Variants in CCSER1 observed in about 807,000 individuals in gnomAD.
CCSER1 encodes serine-rich coiled-coil domain-containing protein 1.
A neutral mutation model predicts 82.0 loss-of-function variants in CCSER1; 41 were observed. That is an observed-to-expected ratio of 0.50 (90% CI 0.39 to 0.65). The LOEUF (loss-of-function observed/expected upper bound fraction) is 0.65. Among genes scored for constraint, CCSER1 ranks in the 30% least tolerant of loss-of-function variants. The probability of loss-of-function intolerance (pLI) is 0.00; values close to 1 mark genes in which losing one functional copy is unlikely to be tolerated. For synonymous variants in CCSER1, 414 were observed against 383.9 expected (o/e 1.08, Z -0.92); for missense variants, 1,119 against 1,064.2 (o/e 1.05, Z -0.72).
chr4:90,711,608 G>T (rs1027251578), intron 6 of CCSER1, among the ~76,000 whole-genome samples: 1 of 151,882 alleles, frequency 6.6e-6, no homozygotes, highest in Admixed American at 6.6e-5. Flanking sequence ...TTTCACTTTT[G>T]TTCTGTTTAT....
intron 9 of CCSER1, among the ~76,000 whole-genome samples, chr4:91,066,693 T>C (rs1017526007): frequency 1.3e-5 from 2 of 152,156 alleles, no homozygotes; most frequent in African/African-American, 4.8e-5. Context: ...GAAATCATAT[T>C]CTCTATCTCT....
intron 1 of CCSER1, among the ~76,000 whole-genome samples, chr4:90,299,179 T>A (rs1477896829): frequency 6.6e-6 from 1 of 152,110 alleles, no homozygotes; most frequent in Non-Finnish European, 1.5e-5. Flanking sequence ...AATGTGTTCT[T>A]CCCTTTTGTA....
chr4:90,836,322 A>G (rs1261810511), intron 8 of CCSER1, among the ~76,000 whole-genome samples: 1 of 151,920 alleles, frequency 6.6e-6, no homozygotes, highest in Non-Finnish European at 1.5e-5. Context: ...CACAAACTGC[A>G]CAAAAGCTTT....
At chr4:90,685,519 C>T (rs908717345) in intron 6 of CCSER1, among the ~76,000 whole-genome samples, 1 of 152,024 alleles carries the variant, frequency 6.6e-6, no homozygotes, top group Non-Finnish European at 1.5e-5. Flanking sequence ...TTCTTTCCAC[C>T]CATAGGCATT....
chr4:91,502,705 A>G (rs573239924), intron 10 of CCSER1, among the ~76,000 whole-genome samples: 1 of 152,334 alleles, frequency 6.6e-6, no homozygotes, highest in South Asian at 2.1e-4. Flanking sequence ...AAAGAATGAA[A>G]TAATTTCTCA....
intron 3 of CCSER1, among the ~76,000 whole-genome samples, chr4:90,328,994 T>C (rs866242136): frequency 7.2e-5 from 11 of 152,240 alleles, no homozygotes; most frequent in Non-Finnish European, 1.0e-4. Flanking sequence ...TTTTCCACAC[T>C]TCTTTGTTTT....
chr4:90,825,993 C>A (rs550821927), intron 8 of CCSER1, among the ~76,000 whole-genome samples: 82 of 152,074 alleles, frequency 5.4e-4, no homozygotes, highest in African/African-American at 2.0e-3. Context: ...CTCAGCACAA[C>A]AATTGTTTTT....
intron 10 of CCSER1, among the ~76,000 whole-genome samples, chr4:91,205,053 A>G (rs934334426): frequency 6.6e-6 from 1 of 151,776 alleles, no homozygotes; most frequent in African/African-American, 2.4e-5. Flanking sequence ...ATTATTATAC[A>G]TAAACATGTT....
intron 8 of CCSER1, among the ~76,000 whole-genome samples, chr4:90,818,215 G>A (rs1005371351): frequency 1.3e-5 from 2 of 151,528 alleles, no homozygotes; most frequent in Admixed American, 6.6e-5. Context: ...AGTGGGAAGA[G>A]TTGTAAAAAG....
intron 6 of CCSER1, among the ~76,000 whole-genome samples, chr4:90,659,102 G>C (rs1258014412): frequency 8.2e-6 from 1 of 121,732 alleles, no homozygotes; most frequent in African/African-American, 3.0e-5. Flanking sequence ...TTTTTTTTGA[G>C]AACTGCCCTT....
At chr4:90,792,070 A>T (rs780075394) in intron 7 of CCSER1, among the ~76,000 whole-genome samples, 2 of 152,186 alleles carry the variant, frequency 1.3e-5, no homozygotes, top group Non-Finnish European at 2.9e-5. Flanking sequence ...GCTTCAGCTA[A>T]TGTTCATTGC....
At chr4:91,091,204 C>T (rs1426365016) in intron 10 of CCSER1, among the ~76,000 whole-genome samples, 2 of 152,152 alleles carry the variant, frequency 1.3e-5, no homozygotes, top group Non-Finnish European at 1.5e-5. Flanking sequence ...TTTGGGCACC[C>T]CTTTTTCTTC....
intron 10 of CCSER1, among the ~76,000 whole-genome samples, chr4:91,420,523 TA>T (rs568649724): frequency 6.6e-6 from 1 of 151,954 alleles, no homozygotes; most frequent in Non-Finnish European, 1.5e-5. Flanking sequence ...TGGCTTTTGT[TA>T]AAAAAACAGG....
At chr4:90,709,908 A>G (rs1489979799) in intron 6 of CCSER1, among the ~76,000 whole-genome samples, 3 of 152,040 alleles carry the variant, frequency 2.0e-5, no homozygotes, top group Admixed American at 2.0e-4. Context: ...CCAACAGTGT[A>G]AAAACATTCC....
At chr4:91,375,253 G>A (rs75701217) in intron 10 of CCSER1, among the ~76,000 whole-genome samples, 2,995 of 152,264 alleles carry the variant, frequency 0.02, 77 homozygotes, top group African/African-American at 0.067. Flanking sequence ...TAGATTTGAA[G>A]TAGCAAGAGA....
At chr4:90,564,922 A>G (rs1779191514) in intron 5 of CCSER1, among the ~76,000 whole-genome samples, 1 of 152,050 alleles carries the variant, frequency 6.6e-6, no homozygotes, top group South Asian at 2.1e-4. Flanking sequence ...GTAACTTACT[A>G]TAGCTTTTTA....
At chr4:90,841,113 A>G (rs921736664) in intron 8 of CCSER1, among the ~76,000 whole-genome samples, 2 of 147,640 alleles carry the variant, frequency 1.4e-5, no homozygotes, top group African/African-American at 4.9e-5. Context: ...ACTTTGGCAG[A>G]TAAGATCAGT....
chr4:91,016,297 A>G (rs902573767), intron 9 of CCSER1, among the ~76,000 whole-genome samples: 1 of 151,984 alleles, frequency 6.6e-6, no homozygotes, highest in Non-Finnish European at 1.5e-5. Flanking sequence ...ATTTATTTAA[A>G]GGCTCCTGAA....
intron 9 of CCSER1, among the ~76,000 whole-genome samples, chr4:90,936,548 A>G (rs1329146882): frequency 6.6e-6 from 1 of 152,102 alleles, no homozygotes; most frequent in Non-Finnish European, 1.5e-5. Context: ...TTAGTATCAT[A>G]TATTTTCATT....
Sources: allele counts gnomAD v4.1 joint callset (sites outside exome capture counted in the v4.1 genomes callset), GRCh38; gene constraint gnomAD v4.1.1; transcripts MANE v1.5; gene names NCBI Gene and HGNC (gene_info 2026-07-23, HGNC 2026-07-21).